SEC16A: variants seen among roughly 807,000 people sequenced by gnomAD.
The protein encoded by SEC16A is protein transport protein Sec16A.
Under a neutral mutation model 221.9 loss-of-function variants are expected in SEC16A, and 110 were observed. The ratio of observed to expected loss-of-function variants is 0.50; its 90% CI spans 0.42 to 0.58. The LOEUF (loss-of-function observed/expected upper bound fraction) is 0.58, where lower values mean the gene tolerates loss of function less well. Ranked by LOEUF, SEC16A falls within the 20% of genes least tolerant of loss-of-function variation. The probability of loss-of-function intolerance (pLI) is 0.00; values close to 1 mark genes in which losing one functional copy is unlikely to be tolerated. For missense variants in SEC16A, 3,165 were observed against 3,097.8 expected, an observed-to-expected ratio of 1.02 and a Z score of -0.52; for synonymous variants, 1,393 against 1,257.7, an observed-to-expected ratio of 1.11 and a Z score of -2.28.
chr9:136,447,146 T>A lies in SEC16A; in HGVS notation c.6697+81A>T. On this transcript the variant is annotated intron_variant, in intron 27 of 31. Transcript: ENST00000684901. The surrounding 1 kb of genome is among the most constrained non-coding windows in gnomAD (Gnocchi z 5.5). The stretch of plus-strand genomic sequence containing the variant: ...CCAGGTCATTCTTTTAACGGGAGAT[T>A]TAGGAGAGACTCATAGAAAGAGGAT... 6.5e-7 allele frequency: 1 copy of A among 1,534,394 alleles called. No individual in the cohort carries two copies. Among genetic ancestry groups the A allele is most frequent in the Non-Finnish European group, 8.8e-7 (1 of 1,136,370 alleles).
At chr9:136,451,477 GCAATTCCC>G in intron 22 of SEC16A, 69 bp from the exon 23 acceptor site, 1 of 1,473,170 alleles carries the variant, frequency 6.8e-7, no homozygotes, top group Non-Finnish European at 9.1e-7. Flanking sequence ...AGAGGGGGAT[GCAATTCCC>G]CAGGCGTGTT....
chr9:136,475,347 C>T lies in SEC16A; in HGVS notation c.2269G>A (p.Val757Ile). 6.2e-7 allele frequency: 1 copy of T among 1,610,096 alleles called. No homozygotes were observed. ...ATCGCCTCTTCTGGAGGCTGAACAA[C>T]AGGTGGCTGAGGTTTTGCACACACA... is the stretch of plus-strand genomic sequence containing the variant. ...LYVCAKPQPP[V>I]VQPPEEAMSG... The change falls in exon 3 of 32, where the codon GTT (valine) becomes ATT (isoleucine). Residue 757 changes from valine (V) to isoleucine (I), a missense_variant. Coordinates refer to ENST00000684901, the MANE Select transcript of SEC16A (RefSeq NM_014866.2). The surrounding 1 kb of genome is among the most constrained non-coding windows in gnomAD (Gnocchi z 5.0).
intron 13 of SEC16A, among the ~76,000 whole-genome samples, chr9:136,460,631 C>T (rs549737303): frequency 6.6e-6 from 1 of 151,424 alleles, no homozygotes; most frequent in African/African-American, 2.4e-5. Context: ...AAAGATAAGG[C>T]CAGGTATGGT....
Position 136,474,531 on chromosome 9 carries a change from G to T in SEC16A, c.3085C>A (p.Gln1029Lys). ...AGGTTAGGCGCCCCAGGCCCAGATT[G>T]TCTGGGATGACTGGCAACACTTTGC... ...SQQSVASHPR[Q>K]SGPGAPNLDR... Residue 1029 changes from glutamine (Q) to lysine (K), a missense_variant, in exon 3 of 32, where the codon CAA becomes AAA. Gln to Lys is a moderately conservative substitution (Grantham distance 53, BLOSUM62 1). Around this residue, in one of 3 missense-constraint regions of SEC16A, gnomAD observed 2,030 missense variants for 1,923.1 expected, o/e 1.06. Coordinates refer to ENST00000684901, the MANE Select transcript of SEC16A (RefSeq NM_014866.2). 1 of 1,612,956 alleles carries T rather than the reference G, an allele frequency of 6.2e-7. No homozygotes were observed. The highest frequency in any genetic ancestry group is 8.5e-7 in the Non-Finnish European group (1 of 1,179,816).
At chr9:136,458,397 G>A (rs141305422) in intron 17 of SEC16A, among the ~76,000 whole-genome samples, 1,582 of 152,130 alleles carry the variant, frequency 0.01, 22 homozygotes, top group African/African-American at 0.035. Context: ...GGGAGGCTGA[G>A]GTGGGCAGAT....
At position 136,459,323 on chromosome 9, in the gene SEC16A, G is replaced by A. The variant is rs1839152373; in HGVS notation, c.5304-84C>T. ...ACCTTGGAGCAAATCATCCAGAAGTGTGTCCCACCACGTGACAAATAAAGA... is the reference window on the plus strand; with the variant it reads ...ACCTTGGAGCAAATCATCCAGAAGTATGTCCCACCACGTGACAAATAAAGA... On this transcript the variant is annotated intron_variant, in intron 16 of 31. Coordinates refer to ENST00000684901, the MANE Select transcript of SEC16A (RefSeq NM_014866.2). This position sits in a 1 kb window ranked among gnomAD's most constrained non-coding sequence, Gnocchi z 6.1. 7.0e-7 allele frequency: 1 copy of A among 1,434,868 alleles called. No individual in the cohort carries two copies. The highest frequency in any genetic ancestry group is 1.7e-5 in the Admixed American group (1 of 57,244). 88.9% of individuals were successfully genotyped at this position (1,434,868 alleles called of 1,614,324 possible).
chr9:136,452,935 G>A (rs1253206734), intron 22 of SEC16A, among the ~76,000 whole-genome samples: 1 of 151,718 alleles, frequency 6.6e-6, no homozygotes, highest in Non-Finnish European at 1.5e-5. Flanking sequence ...GCCGGGCATG[G>A]TGGCACACAC....
In SEC16A at chr9:136,477,564, C is replaced by T; in HGVS notation, c.52G>A (p.Ala18Thr). 3 of 1,612,880 alleles carry T rather than the reference C, an allele frequency of 1.9e-6. No homozygotes were observed. Among genetic ancestry groups the T allele is most frequent in the Non-Finnish European group, 2.5e-6 (3 of 1,179,698 alleles). Residue 18 changes from alanine to threonine, a missense_variant, in exon 3 of 32, where the codon GCC becomes ACC. Ala to Thr is a moderately conservative substitution (Grantham distance 58). Transcript: ENST00000684901. The stretch of plus-strand genomic sequence containing the variant: ...CAGAACACGCTCCGAGGATTCCCGG[C>T]TGGAGGTGGCCCAGCCATGCCAGAC... ...VPSGMAGPPPAGNPRSVFWAS... is the reference protein window; with the variant it reads ...VPSGMAGPPPTGNPRSVFWAS...
At position 136,463,742 on chromosome 9, in the gene SEC16A, T is replaced by C; in HGVS notation, c.4447-2A>G. The C allele has an allele frequency of 6.2e-7, 1 of 1,611,646 alleles. No individual in the cohort carries two copies. Among genetic ancestry groups the C allele is most frequent in the South Asian group, 1.1e-5 (1 of 91,004 alleles). ...CTCAGACGTGTGCTGCAGCAAGGCC[T>C]ACGAGGAGAGGGCCGTGGGTCAGTG... On this transcript the variant is annotated splice_acceptor_variant, in intron 9 of 31. Transcript: ENST00000684901. LOFTEE classifies it high-confidence loss of function.
chr9:136,463,622 G>A, intron 10 of SEC16A, 21 bp from the exon 11 acceptor site: 4 of 1,613,696 alleles, frequency 2.5e-6, no homozygotes, highest in Middle Eastern at 1.7e-4. Flanking sequence ...AACACACAGT[G>A]AGCAGTGATG....
At chr9:136,457,863 C>T (rs1004712908) in intron 17 of SEC16A, among the ~76,000 whole-genome samples, 8 of 152,230 alleles carry the variant, frequency 5.3e-5, no homozygotes, top group East Asian at 1.9e-4. Context: ...TGGGGCCACT[C>T]GGCTCTCACA....
chr9:136,456,781 C>T (rs1228529920), intron 18 of SEC16A, among the ~76,000 whole-genome samples: 1 of 152,250 alleles, frequency 6.6e-6, no homozygotes, highest in Non-Finnish European at 1.5e-5. Flanking sequence ...GGCGAAGAAA[C>T]TGAGGCCTGC....
intron 4 of SEC16A, among the ~76,000 whole-genome samples, chr9:136,471,632 T>G (rs896572989): frequency 6.6e-6 from 1 of 152,068 alleles, no homozygotes; most frequent in Admixed American, 6.5e-5. Context: ...AACACCCCAT[T>G]AGCAAATGGC....
chr9:136,455,577 C>T (rs1403218899), intron 20 of SEC16A, 24 bp downstream of exon 20: 2 of 1,525,782 alleles, frequency 1.3e-6, no homozygotes, highest in African/African-American at 2.7e-5. Context: ...TGTCTGAGGG[C>T]AGCAGCCGCG....
rs1000486998 is a variant in SEC16A at position 136,441,491 on chromosome 9, C to T, written c.*264G>A. ...TATATCCTTAAATCATCCTAAATGACTAAGAAAGTCACATCATTCTTTTCG... is the reference window on the plus strand; with the variant it reads ...TATATCCTTAAATCATCCTAAATGATTAAGAAAGTCACATCATTCTTTTCG... On this transcript the variant is annotated 3_prime_UTR_variant, in exon 32 of 32. Transcript: ENST00000684901. 2 of 535,066 alleles carry T rather than the reference C, an allele frequency of 3.7e-6. No individual in the cohort carries two copies. Among genetic ancestry groups the T allele is most frequent in the South Asian group, 2.2e-5 (1 of 46,440 alleles). The allele number at this position is 535,066 out of a possible 1,614,324, so 33.1% of individuals were successfully genotyped here.
At position 136,456,112 on chromosome 9, in the gene SEC16A, C is replaced by T. The variant is rs751358492; in HGVS notation, c.5605G>A (p.Glu1869Lys). ...DPQLKEKPEE[E>K]SLAAPTWLVH... The stretch of plus-strand genomic sequence containing the variant: ...AGCCACGTGGGTGCGGCCAAGGACT[C>T]CTCTTCTGGCTTCTCTTTCAGCTGG... The change falls in exon 19 of 32, where the codon GAG becomes AAG. Residue 1869 changes from glutamate to lysine, a missense_variant. Coordinates refer to ENST00000684901, the MANE Select transcript of SEC16A (RefSeq NM_014866.2). 17 of 1,612,834 alleles carry T rather than the reference C, an allele frequency of 1.1e-5. 1 individual carries two copies. In the South Asian group the frequency reaches 1.9e-4, roughly 18 times the overall value.
rs761632427 is a variant in SEC16A, at chr9:136,456,185, C to G, written c.5551-19G>C. 9.5e-6 allele frequency: 15 copies of G among 1,586,904 alleles called. No individual in the cohort carries two copies. In the East Asian group the frequency reaches 3.1e-4, roughly 33 times the overall value. On this transcript the variant is annotated intron_variant, in intron 18 of 31. Transcript: ENST00000684901. ...AAGCCATCTAGACACGGGCAAAAAT[C>G]AAAGGCCCCTGTCACCACCGGGTGA...
Position 136,460,122 on chromosome 9 carries a change from A to G in SEC16A, c.4993T>C (p.Phe1665Leu). 6.2e-7 allele frequency: 1 copy of G among 1,601,000 alleles called. No homozygotes were observed. ...TCGTTGATTGGGAGGCTGTTAGCAA[A>G]CCTAGGCAGACATAAACACAGAAAG... The part of the protein sequence containing the change: ...SRTHARVMTR[F>L]ANSLPINDPL... The change falls in exon 14 of 32, where the codon TTT (phenylalanine) becomes CTT (leucine). Residue 1665 changes from phenylalanine to leucine, a missense_variant and splice_region_variant. Phe to Leu is a conservative substitution (Grantham distance 22, BLOSUM62 0). This residue lies in a region of SEC16A where 1,088 missense variants were observed against 1,089.6 expected (regional missense o/e 1.00). Transcript: ENST00000684901.
At chr9:136,478,991 T>C (rs1027253733) in intron 1 of SEC16A, among the ~76,000 whole-genome samples, 161 bp from the exon 2 acceptor site, 6 of 152,238 alleles carry the variant, frequency 3.9e-5, no homozygotes, top group Admixed American at 2.6e-4. Context: ...ACCAGCAAGA[T>C]GTTACCTTTG....
Sources: gnomAD v4.1 joint callset for allele counts (sites outside exome capture counted in the v4.1 genomes callset) on GRCh38, gnomAD v4.1.1 for gene constraint, gnomAD v4.1.1 regional missense constraint, Gnocchi (gnomAD v3.1) non-coding constraint, MANE v1.5 for transcripts, NCBI Gene and HGNC (gene_info 2026-07-23, HGNC 2026-07-21) for gene names.